Variants in PPARA observed in about 807,000 individuals in gnomAD.
PPARA encodes the protein peroxisome proliferator-activated receptor alpha.
In PPARA, 22 loss-of-function variants were observed where a neutral mutation model predicts 42.2. The ratio of observed to expected loss-of-function variants is 0.52; its 90% CI spans 0.37 to 0.74. The LOEUF (loss-of-function observed/expected upper bound fraction) is 0.74, where lower values mean the gene tolerates loss of function less well. Ranked by LOEUF, PPARA falls within the 30% of genes least tolerant of loss-of-function variation. PPARA has a pLI of 0.00. For missense variants in PPARA, 465 were observed against 608.2 expected (o/e 0.76, Z 2.48); for synonymous variants, 242 against 239.3 (o/e 1.01, Z -0.10).
In PPARA at chr22:46,204,028, T is replaced by TCCCC. The variant is rs1933003042; in HGVS notation, c.208+5439_208+5442dup. Among the ~76,000 whole-genome samples the TCCCC allele has an allele frequency of 6.6e-6, 1 of 152,156 alleles. No homozygotes were observed. The highest frequency in any genetic ancestry group is 1.5e-5 in the Non-Finnish European group (1 of 68,018). On this transcript the variant is annotated intron_variant, in intron 4 of 8. Coordinates refer to ENST00000407236, the MANE Select transcript of PPARA (RefSeq NM_005036.6). The surrounding 1 kb of genome is among the most constrained non-coding windows in gnomAD (Gnocchi z 5.2). ...CCAGCCCCGTGCCTCCCTGCCTCCC[T>TCCCC]CCCCCAGTAAACCATGAATCCACTT...
rs753806251 is a variant in PPARA at position 46,219,187 on chromosome 22, G to T, written c.509-625G>T. On this transcript the variant is annotated intron_variant, in intron 6 of 8. Coordinates refer to ENST00000407236, the MANE Select transcript of PPARA (RefSeq NM_005036.6). The surrounding 1 kb of genome is among the most constrained non-coding windows in gnomAD (Gnocchi z 4.8). Reference sequence around the variant, plus strand: ...AAAAAAAAAGAAAAAAAAAGAAAAAGTCTCAAATAGCTGAGATTCAGTGGT... The same window carrying T: ...AAAAAAAAAGAAAAAAAAAGAAAAATTCTCAAATAGCTGAGATTCAGTGGT... Among the ~76,000 whole-genome samples, 6 of 151,992 alleles carry T rather than the reference G, an allele frequency of 3.9e-5. No homozygotes were observed. The highest frequency in any genetic ancestry group is 8.8e-5 in the Non-Finnish European group (6 of 67,982).
rs151088418 is a variant in PPARA at position 46,211,144 on chromosome 22, C to A, written c.209-4029C>A. Among the ~76,000 whole-genome samples, 1 of 152,174 alleles carries A rather than the reference C, an allele frequency of 6.6e-6. No individual in the cohort carries two copies. The highest frequency in any genetic ancestry group is 6.5e-5 in the Admixed American group (1 of 15,272). Reference sequence around the variant, plus strand: ...AATACATATATGTATACATACTAACCTATGTCTATACAGGAATCTATCGGT... The same window carrying A: ...AATACATATATGTATACATACTAACATATGTCTATACAGGAATCTATCGGT... On this transcript the variant is annotated intron_variant, in intron 4 of 8. Coordinates refer to ENST00000407236, the MANE Select transcript of PPARA (RefSeq NM_005036.6). This position sits in a 1 kb window ranked among gnomAD's most constrained non-coding sequence, Gnocchi z 4.1.
At chr22:46,215,404 G>A (rs766289264) in intron 5 of PPARA, 71 bp downstream of exon 5, 3 of 1,589,814 alleles carry the variant, frequency 1.9e-6, no homozygotes, top group Non-Finnish European at 2.6e-6. Flanking sequence ...TATAGCAAAT[G>A]GCAGTCATTA....
chr22:46,189,980 C>T (rs1275817863), intron 3 of PPARA, among the ~76,000 whole-genome samples: 2 of 152,190 alleles, frequency 1.3e-5, no homozygotes, highest in Admixed American at 1.3e-4. Context: ...GCTGGGATTA[C>T]AGGCATGAGC....
intron 3 of PPARA, among the ~76,000 whole-genome samples, chr22:46,189,895 T>G (rs1931312203): frequency 6.6e-6 from 1 of 151,972 alleles, no homozygotes; most frequent in Non-Finnish European, 1.5e-5. Context: ...TTAATAGAGA[T>G]GGGGTTTCAC....
At position 46,240,297 on chromosome 22, in the gene PPARA, A is replaced by G. The variant is rs141248819; in HGVS notation, c.*4917A>G. On this transcript the variant is annotated 3_prime_UTR_variant, in exon 9 of 9. Coordinates refer to ENST00000407236, the MANE Select transcript of PPARA (RefSeq NM_005036.6). The surrounding 1 kb of genome is among the most constrained non-coding windows in gnomAD (Gnocchi z 6.0). The stretch of plus-strand genomic sequence containing the variant: ...TTTTAAAATGAAAACACCAGCCTCC[A>G]GATGTAGGGCCTGCTGGGTGTTGCT... 2,567 of 398,618 alleles carry G rather than the reference A, an allele frequency of 6.4e-3. 25 individuals carry two copies. The highest frequency in any genetic ancestry group is 0.028 in the African/African-American group (1,346 of 48,734). The allele number at this position is 398,618 out of a possible 1,614,324, so 24.7% of individuals were successfully genotyped here.
rs1217285469 is a variant in PPARA, at chr22:46,185,956, T to TACAC, written c.-43+9121_-43+9122insCACA. The stretch of plus-strand genomic sequence containing the variant: ...ATATATATATATATATATATATATA[T>TACAC]ATATATATACACACACACTAACCTT... On this transcript the variant is annotated intron_variant, in intron 3 of 8. Transcript: ENST00000407236. 2.7e-4 allele frequency among the ~76,000 whole-genome samples: 15 copies of TACAC among 56,382 alleles called. 1 individual carries two copies. Among genetic ancestry groups the TACAC allele is most frequent in the African/African-American group, 1.0e-3 (15 of 14,874 alleles). The allele number at this position is 56,382 out of a possible 152,430, so 37.0% of individuals were successfully genotyped here.
chr22:46,155,360 ACT>A (rs1925142237), intron 2 of PPARA: 1 of 152,134 alleles, frequency 6.6e-6, no homozygotes, highest in Non-Finnish European at 1.5e-5. Context: ...TGTTGCCCAG[ACT>A]GGCGTGCAGT....
rs1203107425 is a variant in PPARA, at chr22:46,204,935, A to G, written c.208+6344A>G. Reference sequence around the variant, plus strand: ...CAGGCTAGAGTGCAGTGGTGCGATCATGGCTTACTGCAGCCTTGACCTCTT... The same window carrying G: ...CAGGCTAGAGTGCAGTGGTGCGATCGTGGCTTACTGCAGCCTTGACCTCTT... On this transcript the variant is annotated intron_variant, in intron 4 of 8. Transcript: ENST00000407236. The surrounding 1 kb of genome is among the most constrained non-coding windows in gnomAD (Gnocchi z 5.2). Among the ~76,000 whole-genome samples, 2 of 151,772 alleles carry G rather than the reference A, an allele frequency of 1.3e-5. No homozygotes were observed. The highest frequency in any genetic ancestry group is 2.9e-5 in the Non-Finnish European group (2 of 67,942).
In PPARA at chr22:46,167,664, A is replaced by G. The variant is rs1291815711; in HGVS notation, c.-126-9089A>G. 6.6e-6 allele frequency among the ~76,000 whole-genome samples: 1 copy of G among 152,118 alleles called. No homozygotes were observed. Among genetic ancestry groups the G allele is most frequent in the East Asian group, 1.9e-4 (1 of 5,186 alleles). On this transcript the variant is annotated intron_variant, in intron 2 of 8. Coordinates refer to ENST00000407236, the MANE Select transcript of PPARA (RefSeq NM_005036.6). This position sits in a 1 kb window ranked among gnomAD's most constrained non-coding sequence, Gnocchi z 4.1. ...GAGACCGTGTGTTAAAAAAAGAGTTAAAACTATAAAACCTTCAGAAGAAAA... is the reference window on the plus strand; with the variant it reads ...GAGACCGTGTGTTAAAAAAAGAGTTGAAACTATAAAACCTTCAGAAGAAAA...
At position 46,231,359 on chromosome 22, in the gene PPARA, C is replaced by T. The variant is rs369534526; in HGVS notation, c.712-433C>T. On this transcript the variant is annotated intron_variant, in intron 7 of 8. Transcript: ENST00000407236. This position sits in a 1 kb window ranked among gnomAD's most constrained non-coding sequence, Gnocchi z 7.7. ...TCAGCCTCCCGAGTAGCTGGGACTA[C>T]AGGCGCCCGCCACCACACCCAGCTA... Among the ~76,000 whole-genome samples, 1 of 152,130 alleles carries T rather than the reference C, an allele frequency of 6.6e-6. No homozygotes were observed. The highest frequency in any genetic ancestry group is 1.9e-4 in the East Asian group (1 of 5,190).
rs1935037388 is a variant in PPARA, at chr22:46,221,903, C to T, written c.711+1889C>T. ...CCACCCTGGCCAACATGGTGAAACC[C>T]CATCTCTATTAAAAATACAAAAAAT... On this transcript the variant is annotated intron_variant, in intron 7 of 8. Coordinates refer to ENST00000407236, the MANE Select transcript of PPARA (RefSeq NM_005036.6). The surrounding 1 kb of genome is among the most constrained non-coding windows in gnomAD (Gnocchi z 5.9). 6.6e-6 allele frequency among the ~76,000 whole-genome samples: 1 copy of T among 151,992 alleles called. No individual in the cohort carries two copies. The highest frequency in any genetic ancestry group is 2.4e-5 in the African/African-American group (1 of 41,374).
Position 46,226,855 on chromosome 22 carries a change from C to T in PPARA, c.712-4937C>T, listed in dbSNP as rs551154456. Among the ~76,000 whole-genome samples, 50 of 151,608 alleles carry T rather than the reference C, an allele frequency of 3.3e-4. 1 individual carries two copies. Among genetic ancestry groups the T allele is most frequent in the South Asian group, 2.1e-3 (10 of 4,782 alleles). On this transcript the variant is annotated intron_variant, in intron 7 of 8. Coordinates refer to ENST00000407236, the MANE Select transcript of PPARA (RefSeq NM_005036.6). ...CAGCCTGGGTGACACAGCAAGACCC[C>T]GTCTCAAAAAAAGAAAACAGAAAAA...
In PPARA at chr22:46,192,383, C is replaced by T. The variant is rs568851504; in HGVS notation, c.-42-5959C>T. Among the ~76,000 whole-genome samples, 3 of 152,316 alleles carry T rather than the reference C, an allele frequency of 2.0e-5. No individual in the cohort carries two copies. Among genetic ancestry groups the T allele is most frequent in the Non-Finnish European group, 2.9e-5 (2 of 68,026 alleles). ...GAGCAGGTGATGCAGAAAATACCCTCGTGTTAGTTATGAATTACCGTTGGA... is the reference window on the plus strand; with the variant it reads ...GAGCAGGTGATGCAGAAAATACCCTTGTGTTAGTTATGAATTACCGTTGGA... On this transcript the variant is annotated intron_variant, in intron 3 of 8. Transcript: ENST00000407236. The surrounding 1 kb of genome is among the most constrained non-coding windows in gnomAD (Gnocchi z 4.3).
intron 4 of PPARA, among the ~76,000 whole-genome samples, chr22:46,207,526 G>A (rs1428846558): frequency 4.7e-5 from 7 of 149,576 alleles, no homozygotes; most frequent in South Asian, 2.1e-4. Context: ...CTCATGATCC[G>A]CCCACCTCGG....
At chr22:46,168,400 A>G (rs1277032696) in intron 2 of PPARA, among the ~76,000 whole-genome samples, 1 of 150,562 alleles carries the variant, frequency 6.6e-6, no homozygotes, top group African/African-American at 2.4e-5. Context: ...AAACTATAAA[A>G]GAAAAAATTA....
rs758765782 is a variant in PPARA at position 46,198,344 on chromosome 22, G to C, written c.-40G>C. The C allele has an allele frequency of 6.3e-7, 1 of 1,579,204 alleles. No individual in the cohort carries two copies. The highest frequency in any genetic ancestry group is 8.7e-7 in the Non-Finnish European group (1 of 1,149,248). On this transcript the variant is annotated splice_region_variant and 5_prime_UTR_variant, in exon 4 of 9. Coordinates refer to ENST00000407236, the MANE Select transcript of PPARA (RefSeq NM_005036.6). The stretch of plus-strand genomic sequence containing the variant: ...CAATTGTTCCTCTTTCCTCCCAGTA[G>C]CTTGGAGCTCGGCGGCACAACCAGC...
chr22:46,241,267 T>C lies in PPARA; in HGVS notation c.*5887T>C, dbSNP rs189813570. 2.0e-4 allele frequency: 30 copies of C among 152,348 alleles called. No homozygotes were observed. The highest frequency in any genetic ancestry group is 6.5e-4 in the African/African-American group (27 of 41,580). 9.4% of individuals were successfully genotyped at this position (152,348 alleles called of 1,614,324 possible). On this transcript the variant is annotated 3_prime_UTR_variant, in exon 9 of 9. Transcript: ENST00000407236. The surrounding 1 kb of genome is among the most constrained non-coding windows in gnomAD (Gnocchi z 5.7). ...TGACAGCATTCAGGAAAACGGTTAT[T>C]GACCCCATAGACTAGGGTAAGAATA...
Position 46,211,628 on chromosome 22 carries a change from T to A in PPARA, c.209-3545T>A, listed in dbSNP as rs560482988. On this transcript the variant is annotated intron_variant, in intron 4 of 8. Transcript: ENST00000407236. The surrounding 1 kb of genome is among the most constrained non-coding windows in gnomAD (Gnocchi z 4.1). Reference sequence around the variant, plus strand: ...ATTAGGTTCAATCTGAACTATAAAGTTCTGTGGGTTTTCACAAATGCGTAG... The same window carrying A: ...ATTAGGTTCAATCTGAACTATAAAGATCTGTGGGTTTTCACAAATGCGTAG... Among the ~76,000 whole-genome samples the A allele has an allele frequency of 4.2e-4, 64 of 152,310 alleles. No individual in the cohort carries two copies. Among genetic ancestry groups the A allele is most frequent in the African/African-American group, 1.4e-3 (58 of 41,576 alleles).
Sources: allele counts gnomAD v4.1 joint callset (sites outside exome capture counted in the v4.1 genomes callset), GRCh38; gene constraint gnomAD v4.1.1; non-coding constraint Gnocchi (gnomAD v3.1); transcripts MANE v1.5; gene names NCBI Gene and HGNC (gene_info 2026-07-23, HGNC 2026-07-21).